The following TSKS variants were observed in gnomAD, a reference collection of about 807,000 sequenced individuals.
TSKS encodes the protein testis specific serine kinase substrate.
In TSKS, 27 loss-of-function variants were observed where a neutral mutation model predicts 68.0. That is an observed-to-expected ratio of 0.40 (90% CI 0.29 to 0.55). TSKS has a LOEUF of 0.55. Ranked by LOEUF, TSKS falls within the 20% of genes least tolerant of loss-of-function variation. The probability of loss-of-function intolerance (pLI) is 0.53; values close to 1 mark genes in which losing one functional copy is unlikely to be tolerated. For synonymous variants in TSKS, 331 were observed against 340.4 expected (o/e 0.97, Z 0.30); for missense variants, 806 against 776.0 (o/e 1.04, Z -0.46).
chr19:49,746,394 C>A, intron 6 of TSKS, 76 bp downstream of exon 6: 1 of 1,555,802 alleles, frequency 6.4e-7, no homozygotes, highest in Admixed American at 1.8e-5. Flanking sequence ...GTCCCGCCCA[C>A]CGCATCTCCT....
At chr19:49,742,663 A>C (rs1013383784) in intron 8 of TSKS, among the ~76,000 whole-genome samples, 2 of 150,772 alleles carry the variant, frequency 1.3e-5, no homozygotes, top group African/African-American at 4.9e-5. Context: ...ACGCCTAGCT[A>C]ATTTTTGTGT....
At chr19:49,753,517 G>A (rs574162361) in intron 2 of TSKS, among the ~76,000 whole-genome samples, 11 of 150,768 alleles carry the variant, frequency 7.3e-5, no homozygotes, top group South Asian at 4.2e-4. Flanking sequence ...AGCCGAGATC[G>A]CGCCATTGCA....
At chr19:49,747,324 T>C in intron 5 of TSKS, 65 bp downstream of exon 5, 3 of 1,612,788 alleles carry the variant, frequency 1.9e-6, no homozygotes, top group South Asian at 1.1e-5. Context: ...CCTAAAAGTG[T>C]ATCTTGAGTC....
intron 2 of TSKS, among the ~76,000 whole-genome samples, chr19:49,751,899 C>CAAAAAAAAAA (rs61310693): frequency 2.4e-5 from 1 of 41,678 alleles, no homozygotes; most frequent in Admixed American, 3.0e-4. Flanking sequence ...CCCAACTCTA[C>CAAAAAAAAAA]AAAAAAAAAA....
rs749521911 is a variant in TSKS, at chr19:49,748,145, C to T, written c.519G>A (p.Glu173=). The T allele has an allele frequency of 6.2e-7, 1 of 1,614,166 alleles. No individual in the cohort carries two copies. The highest frequency in any genetic ancestry group is 2.2e-5 in the East Asian group (1 of 44,884). Residue 173 remains glutamate (E), a synonymous_variant, in exon 4 of 11, where the codon GAG becomes GAA. Transcript: ENST00000246801. ...SLQSECSVLS[E]NLERRRQEAE... ...CCTCTTGCCGCCTTCTCTCCAGATT[C>T]TCGCTCAGCACAGAACACTCGCTCT... is the stretch of plus-strand genomic sequence containing the variant.
intron 2 of TSKS, among the ~76,000 whole-genome samples, chr19:49,752,046 T>A (rs1461247818): frequency 1.4e-5 from 2 of 146,438 alleles, no homozygotes; most frequent in Admixed American, 6.8e-5. Context: ...TGCACTCCAG[T>A]CTGGATGACA....
intron 7 of TSKS, 115 bp downstream of exon 7, chr19:49,745,087 T>G (rs1279809481): frequency 6.6e-6 from 7 of 1,054,924 alleles, no homozygotes; most frequent in Non-Finnish European, 9.3e-6. Context: ...TCGGTATATG[T>G]TCCGGAATGC....
intron 2 of TSKS, among the ~76,000 whole-genome samples, chr19:49,751,949 C>T (rs1322866299): frequency 6.6e-6 from 1 of 150,684 alleles, no homozygotes; most frequent in Admixed American, 6.6e-5. Context: ...TGGTGTGCAC[C>T]TGTAGTCCCA....
At position 49,739,852 on chromosome 19, in the gene TSKS, CCCT is replaced by C; in HGVS notation, c.1700_1702del (p.Glu567del). ...GCCTCCCCCCATTGTTCCCGTGGAC[CCCT>C]CAAGTGGCAGGTTGCTGAGATGATC... On this transcript the variant is annotated inframe_deletion, in exon 11 of 11. Transcript: ENST00000246801. 1 of 1,614,004 alleles carries C rather than the reference CCCT, an allele frequency of 6.2e-7. No homozygotes were observed. Among genetic ancestry groups the C allele is most frequent in the Non-Finnish European group, 8.5e-7 (1 of 1,179,970 alleles).
chr19:49,762,469 G>T (rs1395083749), intron 1 of TSKS, among the ~76,000 whole-genome samples: 2 of 146,558 alleles, frequency 1.4e-5, no homozygotes, highest in Admixed American at 6.9e-5. Context: ...TGTTGCCCAG[G>T]CTGGAGTGCA....
rs1568559005 is a variant in TSKS, at chr19:49,739,927, T to G, written c.1628A>C (p.Lys543Thr). Reference sequence around the variant, plus strand: ...GTGTAGATGGTCCAGAGTGGCCATCTTCTCCCTGTCATGAGGCAGCGGGGA... The same window carrying G: ...GTGTAGATGGTCCAGAGTGGCCATCGTCTCCCTGTCATGAGGCAGCGGGGA... Reference protein sequence around the residue: ...LLTDKMKPEEKMATLDHLHLK... With the variant: ...LLTDKMKPEETMATLDHLHLK... The change falls in exon 11 of 11, where the codon AAG (lysine) becomes ACG (threonine). Residue 543 changes from lysine (K) to threonine (T), a missense_variant. Lys to Thr is a moderately conservative substitution (Grantham distance 78, BLOSUM62 -1). Coordinates refer to ENST00000246801, the MANE Select transcript of TSKS (RefSeq NM_021733.2). 6.2e-7 allele frequency: 1 copy of G among 1,610,958 alleles called. No homozygotes were observed. Among genetic ancestry groups the G allele is most frequent in the South Asian group, 1.1e-5 (1 of 90,938 alleles).
At chr19:49,755,610 C>T (rs769886198) in intron 2 of TSKS, among the ~76,000 whole-genome samples, 1 of 151,966 alleles carries the variant, frequency 6.6e-6, no homozygotes, top group Non-Finnish European at 1.5e-5. Context: ...ATGGGAGGAT[C>T]GCTTGAGCCC....
At position 49,739,792 on chromosome 19, in the gene TSKS, G is replaced by A; in HGVS notation, c.1763C>T (p.Ser588Leu). The A allele has an allele frequency of 6.7e-7, 1 of 1,485,254 alleles. No individual in the cohort carries two copies. The allele number at this position is 1,485,254 out of a possible 1,614,324, so 92.0% of individuals were successfully genotyped here. A position where few individuals can be genotyped will look rare whatever the true frequency, so the allele number is the denominator to read the frequency against. The change falls in exon 11 of 11, where the codon TCA becomes TTA. Residue 588 changes from serine to leucine, a missense_variant. Ser to Leu is a moderately radical substitution (Grantham distance 145, BLOSUM62 -2). Transcript: ENST00000246801. ...AGAGGCCATTTATTGTTCAGGGGCT[G>A]AGCCCCCCTGTTTTGGGGGGGTTCC... ...SAGTPPKQGG[S>L]APEQ
In TSKS at chr19:49,745,374, C is replaced by T. The variant is rs200910284; in HGVS notation, c.1015G>A (p.Ala339Thr). The change falls in exon 7 of 11, where the codon GCC (alanine) becomes ACC (threonine). Residue 339 changes from alanine to threonine, a missense_variant. Transcript: ENST00000246801. Reference sequence around the variant, plus strand: ...GCCCCCTCCTCCTGATGCCACCGGGCGGTCAGTGAGGACACCTCTCTCCTG... The same window carrying T: ...GCCCCCTCCTCCTGATGCCACCGGGTGGTCAGTGAGGACACCTCTCTCCTG... ...ELRREVSSLT[A>T]RWHQEEGAVQ... 12 of 1,576,900 alleles carry T rather than the reference C, an allele frequency of 7.6e-6. No homozygotes were observed. Among genetic ancestry groups the T allele is most frequent in the East Asian group, 6.9e-5 (3 of 43,780 alleles).
At chr19:49,743,493 C>CT (rs761657800) in intron 8 of TSKS, among the ~76,000 whole-genome samples, 5,770 of 103,946 alleles carry the variant, frequency 0.056, 461 homozygotes, top group African/African-American at 0.065. Context: ...AAGTGAATTT[C>CT]TTTTTTTTTT....
chr19:49,741,860 C>T, intron 9 of TSKS, 25 bp downstream of exon 9: 2 of 1,614,094 alleles, frequency 1.2e-6, no homozygotes, highest in Non-Finnish European at 1.7e-6. Context: ...TAAAGTGGGA[C>T]ATGGTGGCCC....
At chr19:49,747,252 T>A (rs1379215040) in intron 5 of TSKS, 137 bp downstream of exon 5, 1 of 1,563,740 alleles carries the variant, frequency 6.4e-7, no homozygotes, top group Admixed American at 1.9e-5. Context: ...ATCAGCGAGT[T>A]CTAAGGATGA....
intron 2 of TSKS, among the ~76,000 whole-genome samples, chr19:49,752,956 A>C (rs2084362998): frequency 6.6e-6 from 1 of 152,164 alleles, no homozygotes; most frequent in South Asian, 2.1e-4. Context: ...GTGCCTCATC[A>C]GGCACACAGA....
At chr19:49,744,583 T>C (rs1263593333) in intron 7 of TSKS, among the ~76,000 whole-genome samples, 179 bp from the exon 8 acceptor site, 1 of 152,150 alleles carries the variant, frequency 6.6e-6, no homozygotes, top group Non-Finnish European at 1.5e-5. Flanking sequence ...GTTATGTTAT[T>C]TATCTGTTGA....
Sources: allele counts gnomAD v4.1 joint callset (sites outside exome capture counted in the v4.1 genomes callset), GRCh38; gene constraint gnomAD v4.1.1; transcripts MANE v1.5; gene names NCBI Gene and HGNC (gene_info 2026-07-23, HGNC 2026-07-21).